ATG4C: variants seen among roughly 807,000 people sequenced by gnomAD.
ATG4C encodes cysteine protease ATG4C.
ATG4C carries 56 observed loss-of-function variants against 57.6 expected under a neutral mutation model. That is an observed-to-expected ratio of 0.97 (90% CI 0.78 to 1.21). The LOEUF (loss-of-function observed/expected upper bound fraction) is 1.21. Among genes scored for constraint, ATG4C ranks in the 50% most tolerant of loss-of-function variants. The probability of loss-of-function intolerance (pLI) is 0.00; values close to 1 mark genes in which losing one functional copy is unlikely to be tolerated. For missense variants in ATG4C, 595 were observed against 529.8 expected, an observed-to-expected ratio of 1.12 and a Z score of -1.21; for synonymous variants, 157 against 174.1, an observed-to-expected ratio of 0.90 and a Z score of 0.78.
rs546787443 is a variant in ATG4C at position 62,794,478 on chromosome 1, G to C, written c.-68-9241G>C. Among the ~76,000 whole-genome samples, 7 of 152,262 alleles carry C rather than the reference G, an allele frequency of 4.6e-5. No homozygotes were observed. In the South Asian group the frequency reaches 1.4e-3, roughly 32 times the overall value. ...TAAGAATGTTTGTAAGATTTTTCTT[G>C]AGGCAAAACTATCTTATTAGTCTCT... On this transcript the variant is annotated intron_variant, in intron 1 of 10. Transcript: ENST00000317868.
chr1:62,820,895 A>AT (rs534332040), intron 5 of ATG4C, among the ~76,000 whole-genome samples: 4 of 151,728 alleles, frequency 2.6e-5, no homozygotes, highest in African/African-American at 4.8e-5. Flanking sequence ...ATACCCAATA[A>AT]TTTTTTTTAA....
chr1:62,811,183 A>G (rs1171045607), intron 3 of ATG4C, among the ~76,000 whole-genome samples: 2 of 152,258 alleles, frequency 1.3e-5, no homozygotes, highest in East Asian at 3.8e-4. Context: ...CCTCCAAGTC[A>G]TCTACAATGA....
At chr1:62,793,597 G>GAA (rs746057232) in intron 1 of ATG4C, among the ~76,000 whole-genome samples, 88 of 20,306 alleles carry the variant, frequency 4.3e-3, no homozygotes, top group Non-Finnish European at 6.3e-3. Context: ...ACCTTGTCTC[G>GAA]AAAAAAAAAA....
intron 4 of ATG4C, 96 bp from the exon 5 acceptor site, chr1:62,818,909 A>T (rs1665377383): frequency 3.0e-6 from 3 of 985,852 alleles, no homozygotes; most frequent in Non-Finnish European, 4.4e-6. Flanking sequence ...CTGTCTTAGT[A>T]ACCCAAATGA....
intron 9 of ATG4C, among the ~76,000 whole-genome samples, chr1:62,838,919 T>C (rs1306505577): frequency 6.6e-6 from 1 of 152,236 alleles, no homozygotes; most frequent in Admixed American, 6.5e-5. Context: ...TAAAAGTTCT[T>C]TGTAGATATT....
rs2100373945 is a variant in ATG4C at position 62,864,167 on chromosome 1, C to T, written c.*8C>T. On this transcript the variant is annotated 3_prime_UTR_variant, in exon 11 of 11. Transcript: ENST00000317868. ...GAGTTTGTCTTGCTTTAAAGATTAGCACATTTGTGCTTGATAAGAAGAATT... is the reference window on the plus strand; with the variant it reads ...GAGTTTGTCTTGCTTTAAAGATTAGTACATTTGTGCTTGATAAGAAGAATT... 4 of 1,583,034 alleles carry T rather than the reference C, an allele frequency of 2.5e-6. No individual in the cohort carries two copies. The East Asian group carries it at 9.1e-5, about 36-fold the overall frequency.
intron 2 of ATG4C, among the ~76,000 whole-genome samples, chr1:62,804,701 A>G (rs565934035): frequency 6.6e-6 from 1 of 152,288 alleles, no homozygotes; most frequent in South Asian, 2.1e-4. Flanking sequence ...TTTGAAGCCC[A>G]CCTAAGATGG....
chr1:62,786,215 A>G (rs1388430069), intron 1 of ATG4C, among the ~76,000 whole-genome samples: 1 of 152,222 alleles, frequency 6.6e-6, no homozygotes, highest in Non-Finnish European at 1.5e-5. Flanking sequence ...CCTGAAATAT[A>G]TAAAGAGCGT....
chr1:62,858,339 A>G (rs1477246565), intron 10 of ATG4C, among the ~76,000 whole-genome samples: 1 of 152,194 alleles, frequency 6.6e-6, no homozygotes, highest in Non-Finnish European at 1.5e-5. Flanking sequence ...GTTACACCAG[A>G]ACAAAACTAC....
In ATG4C at chr1:62,864,425, T is replaced by C; in HGVS notation, c.*266T>C. 3.5e-6 allele frequency: 1 copy of C among 288,458 alleles called. No individual in the cohort carries two copies. The highest frequency in any genetic ancestry group is 6.5e-6 in the Non-Finnish European group (1 of 154,234). 17.9% of individuals were successfully genotyped at this position (288,458 alleles called of 1,614,324 possible). Reference sequence around the variant, plus strand: ...ACTAGTGATAATTCTACCTTAACTGTAAGCCTTTTAGTCTTCAAAGTCTTC... The same window carrying C: ...ACTAGTGATAATTCTACCTTAACTGCAAGCCTTTTAGTCTTCAAAGTCTTC... On this transcript the variant is annotated 3_prime_UTR_variant, in exon 11 of 11. Transcript: ENST00000317868.
At chr1:62,815,787 C>T (rs1448297108) in intron 3 of ATG4C, among the ~76,000 whole-genome samples, 2 of 152,194 alleles carry the variant, frequency 1.3e-5, no homozygotes, top group African/African-American at 4.8e-5. Flanking sequence ...TGAGTTCAAA[C>T]GATTCCCTTG....
intron 10 of ATG4C, among the ~76,000 whole-genome samples, chr1:62,853,066 G>A (rs1277268749): frequency 1.3e-5 from 2 of 151,990 alleles, no homozygotes; most frequent in South Asian, 4.2e-4. Flanking sequence ...CCTGCATGTC[G>A]ACCAGCTTTA....
intron 10 of ATG4C, among the ~76,000 whole-genome samples, chr1:62,863,643 G>C (rs1666918687): frequency 6.6e-6 from 1 of 151,936 alleles, no homozygotes; most frequent in Non-Finnish European, 1.5e-5. Context: ...ATACCATTTT[G>C]TTTCATTGTC....
Position 62,819,021 on chromosome 1 carries a change from T to A in ATG4C, c.411T>A (p.Asp137Glu), listed in dbSNP as rs768182891. The A allele has an allele frequency of 2.6e-6, 4 of 1,565,040 alleles. No homozygotes were observed. The highest frequency in any genetic ancestry group is 2.7e-5 in the African/African-American group (2 of 73,384). The change falls in exon 5 of 11, where the codon GAT becomes GAA. Residue 137 changes from aspartate to glutamate, a missense_variant. Transcript: ENST00000317868. ...HFLGRAWTWP[D>E]ALNIENSDSE... Reference sequence around the variant, plus strand: ...CTACTATAGCTTGGACCTGGCCTGATGCTTTGAATATTGAAAATTCAGACT... The same window carrying A: ...CTACTATAGCTTGGACCTGGCCTGAAGCTTTGAATATTGAAAATTCAGACT...
chr1:62,800,678 A>G (rs1664629104), intron 1 of ATG4C, among the ~76,000 whole-genome samples: 1 of 152,236 alleles, frequency 6.6e-6, no homozygotes, highest in Admixed American at 6.5e-5. Context: ...GTCAGTTAAA[A>G]AAAAATTCTA....
chr1:62,788,796 C>T (rs1195522701), intron 1 of ATG4C, among the ~76,000 whole-genome samples: 1 of 152,016 alleles, frequency 6.6e-6, no homozygotes, highest in East Asian at 1.9e-4. Flanking sequence ...AGGTAGAATG[C>T]CTCACAAAAT....
intron 10 of ATG4C, among the ~76,000 whole-genome samples, chr1:62,847,047 TGTGCCTGTA>T (rs567839106): frequency 1.6e-4 from 24 of 152,084 alleles, no homozygotes; most frequent in Admixed American, 1.4e-3. Flanking sequence ...CATGGTGGTG[TGTGCCTGTA>T]GTCCCAGCTA....
At chr1:62,848,103 G>A (rs1269252240) in intron 10 of ATG4C, among the ~76,000 whole-genome samples, 1 of 152,008 alleles carries the variant, frequency 6.6e-6, no homozygotes, top group Non-Finnish European at 1.5e-5. Context: ...TGTTATAAAA[G>A]CCTCCTATTG....
At chr1:62,784,455 A>G (rs972529541) in intron 1 of ATG4C, among the ~76,000 whole-genome samples, 182 bp downstream of exon 1, 17 of 152,082 alleles carry the variant, frequency 1.1e-4, no homozygotes, top group African/African-American at 4.1e-4. Flanking sequence ...TTTGTCTTCT[A>G]ACTCTTCCTC....
Sources: allele counts gnomAD v4.1 joint callset (sites outside exome capture counted in the v4.1 genomes callset), GRCh38; gene constraint gnomAD v4.1.1; transcripts MANE v1.5; gene names NCBI Gene and HGNC (gene_info 2026-07-23, HGNC 2026-07-21).